The following CORIN variants were observed in gnomAD, a reference collection of about 807,000 sequenced individuals.
The protein encoded by CORIN is corin, serine peptidase.
Under a neutral mutation model 125.3 loss-of-function variants are expected in CORIN, and 117 were observed. The observed-to-expected ratio is 0.93, with a 90% confidence interval of 0.80 to 1.09. The LOEUF is 1.09. Ranked by LOEUF, CORIN falls within the 50% of genes least tolerant of loss-of-function variation. The probability of loss-of-function intolerance (pLI) is 0.00; values close to 1 mark genes in which losing one functional copy is unlikely to be tolerated. For missense variants in CORIN, 1,253 were observed against 1,306.7 expected (o/e 0.96, Z 0.63); for synonymous variants, 450 against 466.4 (o/e 0.96, Z 0.45).
chr4:47,603,973 T>C (rs1055273694), intron 19 of CORIN, among the ~76,000 whole-genome samples: 5 of 152,088 alleles, frequency 3.3e-5, no homozygotes, highest in African/African-American at 1.2e-4. Context: ...TGAAAAGCTA[T>C]GAAGAAGAGA....
At chr4:47,810,898 T>A (rs1732034383) in intron 1 of CORIN, among the ~76,000 whole-genome samples, 1 of 152,168 alleles carries the variant, frequency 6.6e-6, no homozygotes, top group Non-Finnish European at 1.5e-5. Context: ...TAGCTCAAAC[T>A]CAACAAGTCT....
At chr4:47,783,616 G>A (rs1730647991) in intron 3 of CORIN, among the ~76,000 whole-genome samples, 2 of 151,960 alleles carry the variant, frequency 1.3e-5, no homozygotes, top group Non-Finnish European at 2.9e-5. Flanking sequence ...CATATGCCAG[G>A]AATTGAAAAT....
intron 5 of CORIN, among the ~76,000 whole-genome samples, chr4:47,705,171 CCT>C (rs1473331434): frequency 1.4e-4 from 21 of 152,196 alleles, no homozygotes; most frequent in African/African-American, 2.2e-4. Context: ...TTTTTTTCCC[CCT>C]GACTGGTTTA....
chr4:47,708,484 TA>T (rs905654198), intron 5 of CORIN, among the ~76,000 whole-genome samples: 35 of 152,328 alleles, frequency 2.3e-4, no homozygotes, highest in South Asian at 1.9e-3. Context: ...GGAGCACCCT[TA>T]TTTCCATCTT....
chr4:47,649,203 AG>A (rs1288761490), intron 13 of CORIN, among the ~76,000 whole-genome samples: 1 of 152,226 alleles, frequency 6.6e-6, no homozygotes, highest in Non-Finnish European at 1.5e-5. Context: ...CCCGTGAAAG[AG>A]GCAGGATGAA....
intron 1 of CORIN, among the ~76,000 whole-genome samples, chr4:47,822,919 G>T (rs1360873662): frequency 1.3e-5 from 2 of 151,674 alleles, no homozygotes; most frequent in African/African-American, 2.4e-5. Context: ...GGGTTCAAGC[G>T]ATTCTCCTGT....
chr4:47,731,331 G>A (rs1437667960), intron 5 of CORIN, among the ~76,000 whole-genome samples: 2 of 152,186 alleles, frequency 1.3e-5, no homozygotes, highest in African/African-American at 4.8e-5. Context: ...TGCAGGTCCA[G>A]AGGTCAGAGG....
intron 5 of CORIN, among the ~76,000 whole-genome samples, chr4:47,722,442 A>G (rs1228920696): frequency 1.3e-5 from 2 of 152,216 alleles, no homozygotes; most frequent in African/African-American, 4.8e-5. Flanking sequence ...CACTTTTTAA[A>G]CATTTCAAAC....
At chr4:47,767,411 G>A (rs1180619303) in intron 3 of CORIN, among the ~76,000 whole-genome samples, 1 of 151,928 alleles carries the variant, frequency 6.6e-6, no homozygotes, top group South Asian at 2.1e-4. Flanking sequence ...TTACACAATG[G>A]TCTGAAAACT....
At chr4:47,830,200 T>C (rs1398922688) in intron 1 of CORIN, among the ~76,000 whole-genome samples, 1 of 151,854 alleles carries the variant, frequency 6.6e-6, no homozygotes, top group African/African-American at 2.4e-5. Context: ...CAATGTAACT[T>C]CCAACAATAA....
At chr4:47,837,859 C>A (rs767925258) in intron 1 of CORIN, 28 bp downstream of exon 1, 1 of 1,599,156 alleles carries the variant, frequency 6.3e-7, no homozygotes, top group Non-Finnish European at 8.6e-7. Context: ...CACCTGGCTG[C>A]GGTAGGACAG....
intron 1 of CORIN, among the ~76,000 whole-genome samples, chr4:47,828,882 G>A (rs1051182029): frequency 6.6e-6 from 1 of 152,000 alleles, no homozygotes; most frequent in African/African-American, 2.4e-5. Context: ...AGGTAGGCCC[G>A]GCGCGGTGGC....
At chr4:47,688,022 T>A (rs1401403495) in intron 6 of CORIN, among the ~76,000 whole-genome samples, 2 of 152,132 alleles carry the variant, frequency 1.3e-5, no homozygotes, top group Admixed American at 1.3e-4. Flanking sequence ...TAGATGCCAG[T>A]AGCACCTCCC....
chr4:47,598,639 A>G (rs1295912283), intron 21 of CORIN, among the ~76,000 whole-genome samples: 1 of 152,180 alleles, frequency 6.6e-6, no homozygotes, highest in Non-Finnish European at 1.5e-5. Flanking sequence ...AAATGTAGTT[A>G]TATTAATCAT....
chr4:47,635,360 AC>A (rs1407449385), intron 16 of CORIN, among the ~76,000 whole-genome samples: 1 of 152,242 alleles, frequency 6.6e-6, no homozygotes, highest in Non-Finnish European at 1.5e-5. Flanking sequence ...AGACAAAATA[AC>A]CAAATGTGAT....
intron 5 of CORIN, among the ~76,000 whole-genome samples, chr4:47,714,999 A>G (rs564436935): frequency 7.2e-5 from 11 of 152,340 alleles, no homozygotes; most frequent in African/African-American, 2.4e-4. Flanking sequence ...TTTATTACTT[A>G]GTAGCAATTA....
intron 6 of CORIN, among the ~76,000 whole-genome samples, chr4:47,692,655 G>C (rs977687828): frequency 2.0e-5 from 3 of 151,482 alleles, no homozygotes; most frequent in Admixed American, 6.6e-5. Context: ...AAAAAAAATT[G>C]ACCTTTATAC....
intron 10 of CORIN, among the ~76,000 whole-genome samples, chr4:47,672,135 A>G (rs764131952): frequency 5.3e-5 from 8 of 152,312 alleles, no homozygotes; most frequent in South Asian, 4.1e-4. Context: ...GTTCTCCCAC[A>G]CTGAAAAGTG....
intron 15 of CORIN, chr4:47,642,891 TATATG>T: frequency 6.8e-7 from 1 of 1,479,572 alleles, no homozygotes; most frequent in Non-Finnish European, 8.9e-7. Flanking sequence ...TCCCAGCAAT[TATATG>T]ATTACAACAT....
Sources: gnomAD v4.1 joint callset for allele counts (sites outside exome capture counted in the v4.1 genomes callset) on GRCh38, gnomAD v4.1.1 for gene constraint, MANE v1.5 for transcripts, NCBI Gene and HGNC (gene_info 2026-07-23, HGNC 2026-07-21) for gene names.